Variants in ITGA9 observed in about 807,000 individuals in gnomAD.
The protein encoded by ITGA9 is integrin alpha-9.
Under a neutral mutation model 127.8 loss-of-function variants are expected in ITGA9, and 56 were observed. The ratio of observed to expected loss-of-function variants is 0.44; its 90% CI spans 0.35 to 0.55. The LOEUF is 0.55. ITGA9 is among the 20% of genes least tolerant of loss of function. The pLI, the probability that ITGA9 is intolerant of heterozygous loss-of-function variation, is 0.00. For synonymous variants in ITGA9, 508 were observed against 514.5 expected, an observed-to-expected ratio of 0.99 and a Z score of 0.17; for missense variants, 1,196 against 1,347.1, an observed-to-expected ratio of 0.89 and a Z score of 1.76.
chr3:37,515,609 G>A (rs1163855545), intron 9 of ITGA9, among the ~76,000 whole-genome samples: 3 of 152,208 alleles, frequency 2.0e-5, no homozygotes, highest in Non-Finnish European at 4.4e-5. Flanking sequence ...TGGTGTGGTG[G>A]TGCTTGCCTG....
At chr3:37,747,640 A>G (rs1171177786) in intron 22 of ITGA9, among the ~76,000 whole-genome samples, 3 of 146,548 alleles carry the variant, frequency 2.0e-5, no homozygotes, top group African/African-American at 7.5e-5. Context: ...TTTTGGTTCA[A>G]TTTTGTTTGA....
At chr3:37,583,044 G>T (rs28600778) in intron 15 of ITGA9, among the ~76,000 whole-genome samples, 3,155 of 152,222 alleles carry the variant, frequency 0.021, 93 homozygotes, top group African/African-American at 0.07. Context: ...CTAGTGGCCC[G>T]CAGGCTGAGT....
rs1312178807 is a variant in ITGA9, at chr3:37,483,763, G to A, written c.544+2156G>A. On this transcript the variant is annotated intron_variant, in intron 4 of 27. Transcript: ENST00000264741. ...TAGGAACGGTGGTAGGAGCTGGGGG[G>A]AGACAGGTGGGATGCCCAAAGGCCA... 1.3e-5 allele frequency among the ~76,000 whole-genome samples: 2 copies of A among 152,318 alleles called. 1 individual carries two copies. Among genetic ancestry groups the A allele is most frequent in the Middle Eastern group, 6.8e-3 (2 of 294 alleles).
At chr3:37,456,898 T>C (rs1475131202) in intron 1 of ITGA9, among the ~76,000 whole-genome samples, 4 of 152,216 alleles carry the variant, frequency 2.6e-5, no homozygotes, top group Non-Finnish European at 5.9e-5. Flanking sequence ...AAATGCAGCT[T>C]CTCAGTTGCA....
At chr3:37,702,353 G>A (rs1700956286) in intron 18 of ITGA9, among the ~76,000 whole-genome samples, 1 of 152,206 alleles carries the variant, frequency 6.6e-6, no homozygotes, top group Admixed American at 6.5e-5. Flanking sequence ...TCTCCCAGAT[G>A]AAGATTTGCC....
intron 15 of ITGA9, among the ~76,000 whole-genome samples, chr3:37,622,249 G>C (rs573629392): frequency 6.6e-6 from 1 of 151,180 alleles, no homozygotes; most frequent in Non-Finnish European, 1.5e-5. Flanking sequence ...CACCAGGCCT[G>C]GCTAATTTTT....
rs111796376 is a variant in ITGA9 at position 37,707,980 on chromosome 3, G to C, written c.2067+23965G>C. ...GGCAGGGCCCAGGTAGCTCAAAGGT[G>C]TTCCCATTTGTTCTTCACAGCAGCT... On this transcript the variant is annotated intron_variant, in intron 18 of 27. Coordinates refer to ENST00000264741, the MANE Select transcript of ITGA9 (RefSeq NM_002207.3). 3.6e-3 allele frequency among the ~76,000 whole-genome samples: 553 copies of C among 152,270 alleles called. 5 individuals carry two copies. The highest frequency in any genetic ancestry group is 0.013 in the African/African-American group (523 of 41,552).
At chr3:37,538,973 G>T (rs978696758) in intron 14 of ITGA9, among the ~76,000 whole-genome samples, 7 of 152,226 alleles carry the variant, frequency 4.6e-5, no homozygotes, top group African/African-American at 1.4e-4. Context: ...TAACATTTTA[G>T]AGAAATCTGA....
At chr3:37,613,253 G>A (rs1187804939) in intron 15 of ITGA9, among the ~76,000 whole-genome samples, 1 of 151,986 alleles carries the variant, frequency 6.6e-6, no homozygotes, top group Admixed American at 6.6e-5. Flanking sequence ...TGAGAATGAT[G>A]GTTTTCAGCT....
rs1013448897 is a variant in ITGA9 at position 37,819,348 on chromosome 3, G to A, written c.*359G>A. The A allele has an allele frequency of 1.9e-5, 4 of 215,832 alleles. No homozygotes were observed. Among genetic ancestry groups the A allele is most frequent in the Non-Finnish European group, 2.8e-5 (3 of 106,752 alleles). 13.4% of individuals were successfully genotyped at this position (215,832 alleles called of 1,614,324 possible). A position where few individuals can be genotyped will look rare whatever the true frequency, so the allele number is the denominator to read the frequency against. On this transcript the variant is annotated 3_prime_UTR_variant, in exon 28 of 28. Transcript: ENST00000264741. ...TGATTATGTCTTTTATATTTGTATC[G>A]ATGTTTTATTATTTCTATTAAATAG...
intron 23 of ITGA9, among the ~76,000 whole-genome samples, chr3:37,773,141 C>G (rs1285157699): frequency 6.6e-6 from 1 of 152,232 alleles, no homozygotes; most frequent in Non-Finnish European, 1.5e-5. Flanking sequence ...TGGAGCTCTG[C>G]TCCCAAGCTT....
chr3:37,692,511 G>T (rs1306193435), intron 18 of ITGA9, among the ~76,000 whole-genome samples: 1 of 151,710 alleles, frequency 6.6e-6, no homozygotes, highest in Non-Finnish European at 1.5e-5. Context: ...TGAGTTGCTT[G>T]TACTTAAGAA....
chr3:37,734,782 G>A (rs1385697288), intron 19 of ITGA9, among the ~76,000 whole-genome samples: 3 of 152,160 alleles, frequency 2.0e-5, no homozygotes, highest in South Asian at 2.1e-4. Flanking sequence ...GTGAGCCACC[G>A]TGCCCAGCCA....
chr3:37,465,877 G>A (rs984492156), intron 1 of ITGA9, among the ~76,000 whole-genome samples: 7 of 152,164 alleles, frequency 4.6e-5, no homozygotes, highest in Non-Finnish European at 8.8e-5. Flanking sequence ...CTGGGTACCT[G>A]TTGGTTCCCT....
chr3:37,612,038 A>G (rs1026129620), intron 15 of ITGA9, among the ~76,000 whole-genome samples: 1 of 152,078 alleles, frequency 6.6e-6, no homozygotes, highest in Non-Finnish European at 1.5e-5. Context: ...TGAACCTGTC[A>G]TAAAATGTAA....
chr3:37,668,865 C>T (rs566721820), intron 17 of ITGA9, among the ~76,000 whole-genome samples: 2 of 152,204 alleles, frequency 1.3e-5, no homozygotes, highest in African/African-American at 2.4e-5. Context: ...TAGTCACTGG[C>T]CACGGTGAGA....
chr3:37,783,361 A>G (rs556652080), intron 25 of ITGA9, among the ~76,000 whole-genome samples: 4 of 152,198 alleles, frequency 2.6e-5, no homozygotes, highest in African/African-American at 9.6e-5. Flanking sequence ...ATATTTTTAG[A>G]GACAGGATCT....
chr3:37,618,003 G>T (rs1328995389), intron 15 of ITGA9, among the ~76,000 whole-genome samples: 1 of 152,186 alleles, frequency 6.6e-6, no homozygotes, highest in African/African-American at 2.4e-5. Flanking sequence ...CGTTGCTGGT[G>T]AGGAGCTGCG....
chr3:37,544,945 T>G (rs575174402), intron 15 of ITGA9, among the ~76,000 whole-genome samples: 34 of 152,382 alleles, frequency 2.2e-4, no homozygotes, highest in African/African-American at 7.2e-4. Context: ...AGCAGAGGAC[T>G]GGGCAAATGG....
Sources: gnomAD v4.1 joint callset for allele counts (sites outside exome capture counted in the v4.1 genomes callset) on GRCh38, gnomAD v4.1.1 for gene constraint, MANE v1.5 for transcripts, NCBI Gene and HGNC (gene_info 2026-07-23, HGNC 2026-07-21) for gene names.